ZFHX3: variants seen among roughly 807,000 people sequenced by gnomAD.
ZFHX3 encodes the protein zinc finger homeobox 3, also known as zinc finger homeobox protein 3.
ZFHX3 carries 42 observed loss-of-function variants against 279.1 expected under a neutral mutation model. The observed-to-expected ratio is 0.15, with a 90% confidence interval of 0.12 to 0.19. The LOEUF (loss-of-function observed/expected upper bound fraction) is 0.19, where lower values mean the gene tolerates loss of function less well. ZFHX3 is among the 10% of genes least tolerant of loss of function. ZFHX3 has a pLI of 1.00. For missense variants in ZFHX3, 4,981 were observed against 4,754.0 expected (o/e 1.05, Z -1.40); for synonymous variants, 2,293 against 1,957.8 (o/e 1.17, Z -4.52).
chr16:73,008,164 T>A (rs1196468781), intron 1 of ZFHX3, among the ~76,000 whole-genome samples: 1 of 152,212 alleles, frequency 6.6e-6, no homozygotes, highest in Admixed American at 6.5e-5. Context: ...TTGAGTTGAA[T>A]ACTTAATTCA....
chr16:73,109,116 C>T (rs1303338799), intron 7 of ZFHX3, among the ~76,000 whole-genome samples: 1 of 152,222 alleles, frequency 6.6e-6, no homozygotes, highest in Non-Finnish European at 1.5e-5. Flanking sequence ...TTCCGCAGGA[C>T]TAGAGGAATT....
intron 1 of ZFHX3, among the ~76,000 whole-genome samples, chr16:73,847,624 C>G (rs1961481753): frequency 6.6e-6 from 1 of 152,102 alleles, no homozygotes; most frequent in Admixed American, 6.5e-5. Flanking sequence ...GTTTACTCAT[C>G]TGTCTTATGG....
intron 2 of ZFHX3, among the ~76,000 whole-genome samples, chr16:73,510,436 A>C (rs1435400744): frequency 3.3e-5 from 5 of 152,138 alleles, no homozygotes; most frequent in African/African-American, 1.2e-4. Flanking sequence ...ATTGTCTATG[A>C]CATTTCATAT....
rs1567389776 is a variant in ZFHX3 at position 73,105,374 on chromosome 16, T to TATATACACACACACAC, written c.-896-11777_-896-11776insGTGTGTGTGTGTATAT. Among the ~76,000 whole-genome samples, 14 of 39,648 alleles carry TATATACACACACACAC rather than the reference T, an allele frequency of 3.5e-4. 1 individual carries two copies. Among genetic ancestry groups the TATATACACACACACAC allele is most frequent in the African/African-American group, 1.4e-3 (14 of 10,132 alleles). The allele number at this position is 39,648 out of a possible 152,430, so 26.0% of individuals were successfully genotyped here. On this transcript the variant is annotated intron_variant, in intron 7 of 17. Coordinates refer to the ZFHX3 transcript ENST00000641206. ...ATATACACATATATATACACACATATATATATATACACACACACACATATA... is the reference window on the plus strand; with the variant it reads ...ATATACACATATATATACACACATATATATACACACACACACATATATATACACACACACACATATA...
intron 3 of ZFHX3, among the ~76,000 whole-genome samples, chr16:73,417,236 G>A (rs2017607225): frequency 1.3e-5 from 2 of 152,008 alleles, no homozygotes; most frequent in Admixed American, 6.6e-5. Flanking sequence ...ATAGATTAAG[G>A]GAGCTGAAGG....
intron 1 of ZFHX3, among the ~76,000 whole-genome samples, chr16:73,013,990 T>C (rs2144630522): frequency 6.6e-6 from 1 of 152,230 alleles, no homozygotes; most frequent in South Asian, 2.1e-4. Flanking sequence ...GATCTTTGGA[T>C]AGAGGAGATG....
chr16:73,191,478 A>C (rs1209348771), intron 5 of ZFHX3, among the ~76,000 whole-genome samples: 2 of 152,192 alleles, frequency 1.3e-5, no homozygotes, highest in Non-Finnish European at 2.9e-5. Flanking sequence ...ACCCAACAAC[A>C]GAAAAACCCT....
At chr16:73,422,614 C>T (rs1277604160) in intron 3 of ZFHX3, among the ~76,000 whole-genome samples, 2 of 152,336 alleles carry the variant, frequency 1.3e-5, no homozygotes, top group East Asian at 1.9e-4. Flanking sequence ...AGCACCCAGA[C>T]TTAGGTCTAG....
intron 5 of ZFHX3, among the ~76,000 whole-genome samples, chr16:73,223,314 C>T (rs1047715530): frequency 1.1e-4 from 17 of 152,170 alleles, no homozygotes; most frequent in African/African-American, 2.9e-4. Context: ...TATTTGCAAA[C>T]GAAATATCTG....
chr16:72,957,610 G>C lies in ZFHX3; in HGVS notation c.2536C>G (p.Arg846Gly), dbSNP rs141276031. Residue 846 changes from arginine (R) to glycine (G), a missense_variant, in exon 2 of 10, where the codon CGC becomes GGC. Transcript: ENST00000268489. ...GGCAGGCTGCCGAGGCCCAGGTGGC[G>C]GTTGTGTTGGATCTGGGTCATGTTC... Reference protein sequence around the residue: ...QQNMTQIQHNRHLGLGSLPSP... With the variant: ...QQNMTQIQHNGHLGLGSLPSP... The C allele has an allele frequency of 6.2e-7, 1 of 1,614,016 alleles. No individual in the cohort carries two copies. Among genetic ancestry groups the C allele is most frequent in the East Asian group, 2.2e-5 (1 of 44,886 alleles).
intron 4 of ZFHX3, among the ~76,000 whole-genome samples, chr16:73,272,807 C>A (rs748173489): frequency 3.9e-5 from 6 of 152,106 alleles, no homozygotes; most frequent in Admixed American, 6.5e-5. Flanking sequence ...AGCACAGTGG[C>A]GATGACATGG....
chr16:73,149,462 T>C (rs575906925), intron 5 of ZFHX3, among the ~76,000 whole-genome samples: 1 of 152,300 alleles, frequency 6.6e-6, no homozygotes, highest in East Asian at 1.9e-4. Context: ...ATTAATTCAG[T>C]TGGCCACTCA....
In ZFHX3 at chr16:73,607,503, A is replaced by T. The variant is rs2052202645; in HGVS notation, c.-1547+72677T>A. ...CTATTCACAATAGCAAAGACATAGA[A>T]TCAACCCAAATGCCCATTTTTCTTC... On this transcript the variant is annotated intron_variant, in intron 2 of 17. Coordinates refer to the ZFHX3 transcript ENST00000641206. Among the ~76,000 whole-genome samples, 4 of 152,234 alleles carry T rather than the reference A, an allele frequency of 2.6e-5. No homozygotes were observed. In the South Asian group the frequency reaches 8.3e-4, roughly 31 times the overall value.
intron 3 of ZFHX3, among the ~76,000 whole-genome samples, chr16:73,328,040 C>G (rs2015728388): frequency 6.6e-6 from 1 of 152,004 alleles, no homozygotes; most frequent in Admixed American, 6.6e-5. Flanking sequence ...ACCTATTTGA[C>G]CATTTTCCTA....
At chr16:72,998,534 G>C (rs1963374147) in intron 1 of ZFHX3, among the ~76,000 whole-genome samples, 1 of 152,198 alleles carries the variant, frequency 6.6e-6, no homozygotes, top group Non-Finnish European at 1.5e-5. Flanking sequence ...GTTTCCCCTT[G>C]TTTTCCTACT....
chr16:73,764,939 C>T (rs2053913457), intron 1 of ZFHX3, among the ~76,000 whole-genome samples: 1 of 152,180 alleles, frequency 6.6e-6, no homozygotes, highest in African/African-American at 2.4e-5. Context: ...AATGCCTCAC[C>T]AGTTCAGGAT....
chr16:72,930,393 A>G (rs995955996), intron 3 of ZFHX3, among the ~76,000 whole-genome samples: 1 of 152,100 alleles, frequency 6.6e-6, no homozygotes, highest in Non-Finnish European at 1.5e-5. Context: ...ATTGGAGGGG[A>G]AAAAAGAAAA....
intron 5 of ZFHX3, among the ~76,000 whole-genome samples, chr16:73,225,935 T>C (rs893023763): frequency 6.6e-6 from 1 of 152,214 alleles, no homozygotes; most frequent in Non-Finnish European, 1.5e-5. Context: ...GGTAATATCC[T>C]ACACTCTCGA....
At chr16:73,670,237 C>T (rs2052890050) in intron 2 of ZFHX3, among the ~76,000 whole-genome samples, 1 of 152,036 alleles carries the variant, frequency 6.6e-6, no homozygotes, top group Non-Finnish European at 1.5e-5. Flanking sequence ...TGCATCCAGC[C>T]CAAGTTTTTA....
Sources: allele counts gnomAD v4.1 joint callset (sites outside exome capture counted in the v4.1 genomes callset), GRCh38; gene constraint gnomAD v4.1.1; transcripts MANE v1.5; gene names NCBI Gene and HGNC (gene_info 2026-07-23, HGNC 2026-07-21).